LCLAT1: variants seen among roughly 807,000 people sequenced by gnomAD.
LCLAT1 encodes lysocardiolipin acyltransferase 1, also known as 1-AGP acyltransferase 8.
In LCLAT1, 11 loss-of-function variants were observed where a neutral mutation model predicts 30.7. That is an observed-to-expected ratio of 0.36 (90% confidence interval 0.23 to 0.59). The LOEUF (loss-of-function observed/expected upper bound fraction) is 0.59, where lower values mean the gene tolerates loss of function less well. Ranked by LOEUF, LCLAT1 falls within the 20% of genes least tolerant of loss-of-function variation. The pLI is 0.77. For missense variants in LCLAT1, 402 were observed against 458.6 expected, an observed-to-expected ratio of 0.88 and a Z score of 1.13; for synonymous variants, 155 against 151.3, an observed-to-expected ratio of 1.02 and a Z score of -0.18.
intron 1 of LCLAT1, among the ~76,000 whole-genome samples, chr2:30,491,654 T>C (rs150267903): frequency 3.0e-4 from 45 of 152,356 alleles, no homozygotes; most frequent in Middle Eastern, 3.4e-3. Context: ...CTTGTACTTA[T>C]ATTTTGCTTG....
intron 1 of LCLAT1, among the ~76,000 whole-genome samples, chr2:30,465,750 A>C (rs1682386635): frequency 1.3e-5 from 2 of 152,318 alleles, no homozygotes; most frequent in South Asian, 4.1e-4. Flanking sequence ...TTAAGCCTGG[A>C]AAGTGAGTAA....
chr2:30,471,411 T>C (rs911661210), intron 1 of LCLAT1, among the ~76,000 whole-genome samples: 2 of 151,998 alleles, frequency 1.3e-5, no homozygotes, highest in African/African-American at 4.8e-5. Context: ...GGTTTCGCCA[T>C]GTTGCCCAGG....
At chr2:30,537,864 G>A (rs565859089) in intron 3 of LCLAT1, among the ~76,000 whole-genome samples, 4 of 152,236 alleles carry the variant, frequency 2.6e-5, no homozygotes, top group East Asian at 3.9e-4. Flanking sequence ...TTAAAAAATC[G>A]AAATTATGTT....
intron 5 of LCLAT1, among the ~76,000 whole-genome samples, chr2:30,625,146 G>T (rs889954893): frequency 6.6e-6 from 1 of 152,132 alleles, no homozygotes; most frequent in African/African-American, 2.4e-5. Flanking sequence ...CAAAAAGTCT[G>T]AAAGAGCACA....
At chr2:30,632,861 C>T (rs1012573914) in intron 5 of LCLAT1, among the ~76,000 whole-genome samples, 1 of 152,150 alleles carries the variant, frequency 6.6e-6, no homozygotes, top group African/African-American at 2.4e-5. Flanking sequence ...AAGTATTCAA[C>T]TTATGTAGAA....
intron 1 of LCLAT1, among the ~76,000 whole-genome samples, chr2:30,505,535 G>C (rs1426064893): frequency 6.6e-6 from 1 of 151,822 alleles, no homozygotes; most frequent in African/African-American, 2.4e-5. Context: ...TAACATTTTT[G>C]GGTGACTATT....
chr2:30,559,446 T>C (rs1054343185), intron 3 of LCLAT1, among the ~76,000 whole-genome samples: 1 of 152,244 alleles, frequency 6.6e-6, no homozygotes, highest in African/African-American at 2.4e-5. Flanking sequence ...CAAGGACTTT[T>C]ATCTAAGTCT....
At position 30,486,637 on chromosome 2, in the gene LCLAT1, A is replaced by G. The variant is rs115462191; in HGVS notation, c.-4-38950A>G. Among the ~76,000 whole-genome samples the G allele has an allele frequency of 7.0e-3, 1,062 of 152,214 alleles. 11 individuals carry two copies. Among genetic ancestry groups the G allele is most frequent in the African/African-American group, 0.024 (1,007 of 41,502 alleles). ...GCAGAGACTACCAAATTCCTACCAG[A>G]ATTTGTTCTTTTCATCCTGAACCTG... is the stretch of plus-strand genomic sequence containing the variant. On this transcript the variant is annotated intron_variant, in intron 1 of 5. Coordinates refer to ENST00000379509, the MANE Select transcript of LCLAT1 (RefSeq NM_001002257.3).
chr2:30,609,976 G>T (rs1667654562), intron 5 of LCLAT1, among the ~76,000 whole-genome samples: 1 of 152,066 alleles, frequency 6.6e-6, no homozygotes, highest in African/African-American at 2.4e-5. Flanking sequence ...CTTTTGATGT[G>T]ATGAATGCAT....
At chr2:30,555,975 C>T (rs1359322613) in intron 3 of LCLAT1, among the ~76,000 whole-genome samples, 8 of 151,536 alleles carry the variant, frequency 5.3e-5, no homozygotes, top group Non-Finnish European at 1.2e-4. Flanking sequence ...ATAGCTGGGG[C>T]AATAGAGACG....
chr2:30,560,282 T>G (rs1187535900), intron 3 of LCLAT1, among the ~76,000 whole-genome samples: 6 of 120,172 alleles, frequency 5.0e-5, no homozygotes, highest in Admixed American at 4.4e-4. Flanking sequence ...AAATAAAGTG[T>G]GGTGTGTGTG....
chr2:30,638,386 C>G (rs1669137634), intron 5 of LCLAT1, among the ~76,000 whole-genome samples: 1 of 152,178 alleles, frequency 6.6e-6, no homozygotes, highest in African/African-American at 2.4e-5. Context: ...ACACCTGAAT[C>G]TAGAATGTGT....
At chr2:30,504,081 C>CGT (rs10632288) in intron 1 of LCLAT1, among the ~76,000 whole-genome samples, 2,121 of 150,760 alleles carry the variant, frequency 0.014, 34 homozygotes, top group African/African-American at 0.048. Context: ...AAGGGACTTA[C>CGT]GTGTGTGTGT....
In LCLAT1 at chr2:30,631,090, C is replaced by T. The variant is rs190114979; in HGVS notation, c.629-9027C>T. Among the ~76,000 whole-genome samples, 303 of 152,286 alleles carry T rather than the reference C, an allele frequency of 2.0e-3. 2 individuals carry two copies. The highest frequency in any genetic ancestry group is 6.9e-3 in the African/African-American group (287 of 41,554). ...AACCAGGTTGAAAGGTAAGGAAATG[C>T]ATTGACACAGCCACAACTTTAGCAA... On this transcript the variant is annotated intron_variant, in intron 5 of 5. Transcript: ENST00000379509.
intron 5 of LCLAT1, among the ~76,000 whole-genome samples, chr2:30,637,692 C>T (rs1025041241): frequency 6.6e-6 from 1 of 152,214 alleles, no homozygotes; most frequent in Non-Finnish European, 1.5e-5. Context: ...ATTCTCCTGC[C>T]TCAGCCTCCC....
At chr2:30,612,268 G>A (rs1869423) in intron 5 of LCLAT1, among the ~76,000 whole-genome samples, 132,271 of 152,168 alleles carry the variant, frequency 0.87, 57,818 homozygotes, top group African/African-American at 0.94. Context: ...AAACAACACT[G>A]TATGTTTAAC....
intron 5 of LCLAT1, among the ~76,000 whole-genome samples, chr2:30,574,825 C>G (rs1665925530): frequency 6.6e-6 from 1 of 152,112 alleles, no homozygotes; most frequent in South Asian, 2.1e-4. Flanking sequence ...ATCTAGGAGT[C>G]AGACTAAGGG....
intron 1 of LCLAT1, among the ~76,000 whole-genome samples, chr2:30,501,056 G>A (rs375986255): frequency 1.4e-5 from 2 of 145,800 alleles, no homozygotes; most frequent in Non-Finnish European, 1.5e-5. Context: ...CCCTAATTCC[G>A]TTTTTTGTTT....
chr2:30,501,084 GTGTGTGTGTGTGTA>G (rs1395796372), intron 1 of LCLAT1, among the ~76,000 whole-genome samples: 5 of 103,126 alleles, frequency 4.8e-5, no homozygotes, highest in Non-Finnish European at 7.4e-5. Flanking sequence ...TTCTGTGTGT[GTGTGTGTGTGTGTA>G]TGTGTGTGTG....
Sources: allele counts gnomAD v4.1 joint callset (sites outside exome capture counted in the v4.1 genomes callset), GRCh38; gene constraint gnomAD v4.1.1; transcripts MANE v1.5; gene names NCBI Gene and HGNC (gene_info 2026-07-23, HGNC 2026-07-21).